Variants in GAD2 observed in about 807,000 individuals in gnomAD.
GAD2 encodes glutamate decarboxylase 2.
Under a neutral mutation model 80.1 loss-of-function variants are expected in GAD2, and 22 were observed. The ratio of observed to expected loss-of-function variants is 0.27; its 90% CI spans 0.20 to 0.39. GAD2 has a LOEUF of 0.39. Among genes scored for constraint, GAD2 ranks in the 10% least tolerant of loss-of-function variants. GAD2 has a pLI of 1.00. For synonymous variants in GAD2, 274 were observed against 256.9 expected (o/e 1.07, Z -0.64); for missense variants, 624 against 738.4 (o/e 0.85, Z 1.80).
chr10:26,266,646 A>G (rs1436967904), intron 8 of GAD2, among the ~76,000 whole-genome samples: 3 of 152,098 alleles, frequency 2.0e-5, no homozygotes, highest in East Asian at 1.9e-4. Context: ...TTCCTTTCCA[A>G]TCTGCCAGAG....
intron 6 of GAD2, among the ~76,000 whole-genome samples, chr10:26,226,491 A>G (rs1373654616): frequency 6.6e-6 from 1 of 152,216 alleles, no homozygotes; most frequent in East Asian, 1.9e-4. Context: ...AGACAGCAGA[A>G]AAGGTCATTG....
intron 4 of GAD2, among the ~76,000 whole-genome samples, chr10:26,220,596 T>C (rs779117582): frequency 2.0e-5 from 3 of 152,176 alleles, no homozygotes; most frequent in Admixed American, 6.5e-5. Flanking sequence ...ATACCAGGCA[T>C]TAAAAATTTT....
chr10:26,258,878 A>G lies in GAD2; in HGVS notation c.921-10241A>G, dbSNP rs1214377100. ...ACCGAGGCTGGAGTGCAATGGCACA[A>G]TCTTGGCTTACTGCAACTTTTGCCT... On this transcript the variant is annotated intron_variant, in intron 8 of 15. Transcript: ENST00000376261. 2.0e-5 allele frequency among the ~76,000 whole-genome samples: 3 copies of G among 151,822 alleles called. No individual in the cohort carries two copies. The East Asian group carries it at 5.8e-4, about 29-fold the overall frequency.
chr10:26,238,874 T>C (rs1178482569), intron 7 of GAD2, among the ~76,000 whole-genome samples: 1 of 151,980 alleles, frequency 6.6e-6, no homozygotes, highest in Admixed American at 6.6e-5. Context: ...TTCCCTCAAA[T>C]CTTAGGGTGT....
chr10:26,300,492 G>T (rs1387398091), intron 15 of GAD2, among the ~76,000 whole-genome samples: 3 of 151,928 alleles, frequency 2.0e-5, no homozygotes, highest in Admixed American at 1.3e-4. Flanking sequence ...TTAGCTTGGG[G>T]CCAATACTAG....
intron 4 of GAD2, among the ~76,000 whole-genome samples, chr10:26,223,686 G>GGTGT (rs112100102): frequency 1.3e-5 from 2 of 148,942 alleles, no homozygotes; most frequent in African/African-American, 4.9e-5. Flanking sequence ...ACGCTTTTAT[G>GGTGT]GTGTGTGTGT....
At chr10:26,300,498 A>G (rs870341) in intron 15 of GAD2, among the ~76,000 whole-genome samples, 14,838 of 152,092 alleles carry the variant, frequency 0.098, 2,390 homozygotes, top group African/African-American at 0.33. Flanking sequence ...TGGGGCCAAT[A>G]CTAGATTCAT....
intron 6 of GAD2, among the ~76,000 whole-genome samples, chr10:26,228,556 T>C (rs1844558198): frequency 6.6e-6 from 1 of 152,160 alleles, no homozygotes; most frequent in African/African-American, 2.4e-5. Flanking sequence ...GGTGGATCGG[T>C]ACAGGTCTGC....
chr10:26,273,820 G>A, intron 11 of GAD2, 120 bp downstream of exon 11: 1 of 760,960 alleles, frequency 1.3e-6, no homozygotes, highest in South Asian at 1.7e-5. Flanking sequence ...TTCAGTGCTT[G>A]TGTTCCTTGC....
At position 26,217,972 on chromosome 10, in the gene GAD2, C is replaced by T. The variant is rs1463736161; in HGVS notation, c.267C>T (p.Tyr89=). The change falls in exon 3 of 16, where the codon TAC becomes TAT. Residue 89 remains tyrosine (Y), a synonymous_variant. Coordinates refer to ENST00000376261, the MANE Select transcript of GAD2 (RefSeq NM_001134366.2). The surrounding 1 kb of genome is among the most constrained non-coding windows in gnomAD (Gnocchi z 4.9). Reference sequence around the variant, plus strand: ...GCTGCTCCAAAGTGGATGTCAACTACGCGTTTCTCCATGCAACAGGTAAAG... The same window carrying T: ...GCTGCTCCAAAGTGGATGTCAACTATGCGTTTCTCCATGCAACAGGTAAAG... The part of the protein sequence containing the change: ...PCSCSKVDVN[Y]AFLHATDLLP... The T allele has an allele frequency of 3.1e-6, 5 of 1,610,884 alleles. No homozygotes were observed. Among genetic ancestry groups the T allele is most frequent in the African/African-American group, 2.7e-5 (2 of 74,882 alleles).
At chr10:26,218,928 G>A (rs555337514) in intron 3 of GAD2, 115 bp from the exon 4 acceptor site, 6 of 737,948 alleles carry the variant, frequency 8.1e-6, no homozygotes, top group Admixed American at 7.4e-5. Context: ...CTTTCCAAAA[G>A]CTTTATCTAA....
At chr10:26,294,977 G>A (rs1834257019) in intron 15 of GAD2, among the ~76,000 whole-genome samples, 1 of 152,164 alleles carries the variant, frequency 6.6e-6, no homozygotes, top group Non-Finnish European at 1.5e-5. Flanking sequence ...TGAACTGACT[G>A]GCCAGAAAGA....
chr10:26,246,132 T>C, intron 8 of GAD2, 132 bp downstream of exon 8: 1 of 663,578 alleles, frequency 1.5e-6, no homozygotes, highest in South Asian at 2.0e-5. Flanking sequence ...GCAGCCTTCG[T>C]TTCTTTTTAA....
rs8190653 is a variant in GAD2 at position 26,242,281 on chromosome 10, C to T, written c.841-3640C>T. ...GATTACAGGCGTGAGCCACCGCGCC[C>T]GGCCACTGGTTCAATTTTTATATTT... is the stretch of plus-strand genomic sequence containing the variant. On this transcript the variant is annotated intron_variant, in intron 7 of 15. Transcript: ENST00000376261. 9.2e-5 allele frequency among the ~76,000 whole-genome samples: 14 copies of T among 151,906 alleles called. No homozygotes were observed. In the South Asian group the frequency reaches 1.0e-3, roughly 11 times the overall value.
chr10:26,231,789 C>T (rs1393414033), intron 7 of GAD2, among the ~76,000 whole-genome samples: 1 of 152,142 alleles, frequency 6.6e-6, no homozygotes, highest in Non-Finnish European at 1.5e-5. Flanking sequence ...CTAGAGGCCA[C>T]CTACATTTTT....
At chr10:26,291,574 T>C (rs1834214246) in intron 13 of GAD2, among the ~76,000 whole-genome samples, 1 of 152,200 alleles carries the variant, frequency 6.6e-6, no homozygotes, top group South Asian at 2.1e-4. Context: ...TGGGCCCATC[T>C]CATCTCCATT....
intron 8 of GAD2, among the ~76,000 whole-genome samples, chr10:26,252,337 A>AT (rs1004422452): frequency 6.0e-5 from 9 of 149,894 alleles, no homozygotes; most frequent in South Asian, 2.1e-4. Context: ...TGCGAGGTAC[A>AT]TTTTTTTTTC....
At chr10:26,296,984 G>A (rs992383902) in intron 15 of GAD2, among the ~76,000 whole-genome samples, 57 of 151,950 alleles carry the variant, frequency 3.8e-4, no homozygotes, top group African/African-American at 1.3e-3. Context: ...GTGCCATCTC[G>A]GCTCACTGCA....
Position 26,270,717 on chromosome 10 carries a change from T to C in GAD2, c.1053T>C (p.Ala351=). 6.2e-7 allele frequency: 1 copy of C among 1,614,052 alleles called. No homozygotes were observed. Among genetic ancestry groups the C allele is most frequent in the Non-Finnish European group, 8.5e-7 (1 of 1,179,918 alleles). Residue 351 remains alanine (A), a synonymous_variant, in exon 10 of 16, where the codon GCT becomes GCC. Coordinates refer to ENST00000376261, the MANE Select transcript of GAD2 (RefSeq NM_001134366.2). ...YGAFDPLLAV[A]DICKKYKIWM... is the part of the protein sequence containing the mutation. ...CATTTGACCCCCTCTTAGCTGTCGC[T>C]GACATTTGCAAAAAGTATAAGATCT...
Sources: gnomAD v4.1 joint callset for allele counts (sites outside exome capture counted in the v4.1 genomes callset) on GRCh38, gnomAD v4.1.1 for gene constraint, Gnocchi (gnomAD v3.1) non-coding constraint, MANE v1.5 for transcripts, NCBI Gene and HGNC (gene_info 2026-07-23, HGNC 2026-07-21) for gene names.